The following AP1AR variants were observed in gnomAD, a reference collection of about 807,000 sequenced individuals.
AP1AR encodes AP-1 complex-associated regulatory protein.
In AP1AR, 29 loss-of-function variants were observed where a neutral mutation model predicts 46.3. The observed-to-expected ratio is 0.63, with a 90% CI of 0.47 to 0.85. The LOEUF (loss-of-function observed/expected upper bound fraction) is 0.85. Ranked by LOEUF, AP1AR falls within the 40% of genes least tolerant of loss-of-function variation. The probability of loss-of-function intolerance (pLI) is 0.00; values close to 1 mark genes in which losing one functional copy is unlikely to be tolerated. For synonymous variants in AP1AR, 122 were observed against 122.9 expected (o/e 0.99, Z 0.05); for missense variants, 357 against 356.3 (o/e 1.00, Z -0.02).
chr4:112,251,680 A>G (rs928534974), intron 1 of AP1AR, among the ~76,000 whole-genome samples: 2 of 152,220 alleles, frequency 1.3e-5, no homozygotes, highest in Non-Finnish European at 2.9e-5. Context: ...CAGTGCTACT[A>G]CTGAAGGTTC....
At position 112,266,616 on chromosome 4, in the gene AP1AR, A is replaced by T. The variant is rs768837483; in HGVS notation, c.543A>T (p.Thr181=). The change falls in exon 9 of 10, where the codon ACA becomes ACT. Residue 181 remains threonine (T), a synonymous_variant. Transcript: ENST00000274000. ...TCTCATCAGATGCTACAGTTTTGAC[A>T]CCAAATACAGAAAGCAGTTGTGATT... ...SRLSSDATVL[T]PNTESSCDLM... 4.3e-6 allele frequency: 7 copies of T among 1,610,670 alleles called. No individual in the cohort carries two copies. The African/African-American group carries it at 9.4e-5, about 22-fold the overall frequency.
At chr4:112,234,328 T>C (rs918152304) in intron 1 of AP1AR, among the ~76,000 whole-genome samples, 2 of 152,182 alleles carry the variant, frequency 1.3e-5, no homozygotes, top group African/African-American at 4.8e-5. Context: ...AAGTTTCAGA[T>C]TTTGGAACAT....
intron 1 of AP1AR, among the ~76,000 whole-genome samples, chr4:112,247,296 A>G (rs1043659483): frequency 6.6e-6 from 1 of 152,216 alleles, no homozygotes; most frequent in Non-Finnish European, 1.5e-5. Flanking sequence ...GTGTGAAGAA[A>G]AGAAGAAAAG....
chr4:112,248,894 A>G (rs745575885), intron 1 of AP1AR, among the ~76,000 whole-genome samples: 8 of 152,112 alleles, frequency 5.3e-5, no homozygotes, highest in Non-Finnish European at 1.2e-4. Flanking sequence ...CTCTGTTTAG[A>G]ATTCTTTTCC....
At chr4:112,247,249 AT>A (rs1441492076) in intron 1 of AP1AR, among the ~76,000 whole-genome samples, 1 of 152,230 alleles carries the variant, frequency 6.6e-6, no homozygotes, top group African/African-American at 2.4e-5. Flanking sequence ...AGACAACCTT[AT>A]TGGGATAGCA....
In AP1AR at chr4:112,263,117, G is replaced by A. The variant is rs753408969; in HGVS notation, c.381+31G>A. ...GGGAAAAGACCCCAGCATATATTAG[G>A]GTTGCTTTTCTCCTTATTTTCTCTG... is the stretch of plus-strand genomic sequence containing the variant. On this transcript the variant is annotated intron_variant, in intron 6 of 9. Transcript: ENST00000274000. 3 of 1,551,282 alleles carry A rather than the reference G, an allele frequency of 1.9e-6. No individual in the cohort carries two copies. In the African/African-American group the frequency reaches 4.1e-5, roughly 21 times the overall value.
intron 1 of AP1AR, among the ~76,000 whole-genome samples, chr4:112,247,320 C>G (rs1725765866): frequency 1.3e-5 from 2 of 152,176 alleles, no homozygotes; most frequent in Admixed American, 1.3e-4. Flanking sequence ...AGTACTTTTA[C>G]TGATCTGAGA....
chr4:112,247,657 A>G (rs1346346207), intron 1 of AP1AR, among the ~76,000 whole-genome samples: 4 of 152,158 alleles, frequency 2.6e-5, no homozygotes, highest in African/African-American at 2.4e-5. Flanking sequence ...TACTCCCACT[A>G]TTGTTACTGT....
chr4:112,263,206 G>C (rs919267515), intron 6 of AP1AR, 120 bp downstream of exon 6: 2 of 705,118 alleles, frequency 2.8e-6, no homozygotes, highest in Non-Finnish European at 4.7e-6. Context: ...CAACGAATGT[G>C]TTTACCCATA....
intron 1 of AP1AR, among the ~76,000 whole-genome samples, chr4:112,234,658 G>GTTT (rs774999279): frequency 8.5e-5 from 12 of 141,750 alleles, no homozygotes; most frequent in Non-Finnish European, 1.1e-4. Context: ...TCTTATTTTA[G>GTTT]TTTTTTTTTT....
intron 1 of AP1AR, among the ~76,000 whole-genome samples, chr4:112,244,908 T>TG (rs1044466767): frequency 6.6e-6 from 1 of 152,194 alleles, no homozygotes; most frequent in Non-Finnish European, 1.5e-5. Flanking sequence ...CGGAGAATAC[T>TG]GTTTTTTAGC....
chr4:112,263,024 G>A lies in AP1AR; in HGVS notation c.319G>A (p.Glu107Lys). The A allele has an allele frequency of 1.2e-6, 2 of 1,613,828 alleles. No individual in the cohort carries two copies. ...AGAAGAGAAGTTAAGACTAGAAGAA[G>A]AAGCTTTATACGCTGCACAGCGTGA... is the stretch of plus-strand genomic sequence containing the variant. ...LQEEKLRLEEEALYAAQREAA... is the reference protein window; with the variant it reads ...LQEEKLRLEEKALYAAQREAA... The change falls in exon 6 of 10, where the codon GAA becomes AAA. Residue 107 changes from glutamate (E) to lysine (K), a missense_variant. By Grantham distance (56) the Glu-to-Lys change is moderately conservative (BLOSUM62 1). This residue lies in a region of AP1AR where 269 missense variants were observed against 223.6 expected (regional missense o/e 1.20). Coordinates refer to ENST00000274000, the MANE Select transcript of AP1AR (RefSeq NM_018569.6).
Position 112,257,828 on chromosome 4 carries a change from C to T in AP1AR, c.185+31C>T, listed in dbSNP as rs759416887. On this transcript the variant is annotated intron_variant, in intron 4 of 9. Transcript: ENST00000274000. ...GCTTTGTTAAAAAAAAAAAACAAAA[C>T]TTCTATGCAAACTGTAAGAAAACTC... The T allele has an allele frequency of 3.3e-6, 5 of 1,498,762 alleles. No homozygotes were observed. The Admixed American group carries it at 8.7e-5, about 26-fold the overall frequency. 92.8% of individuals were successfully genotyped at this position (1,498,762 alleles called of 1,614,324 possible).
chr4:112,259,542 T>C (rs1726350303), intron 4 of AP1AR, among the ~76,000 whole-genome samples: 2 of 152,200 alleles, frequency 1.3e-5, no homozygotes, highest in Non-Finnish European at 2.9e-5. Context: ...CTATTGATAT[T>C]ATACATTTAA....
chr4:112,232,488 G>A (rs1725057929), intron 1 of AP1AR, among the ~76,000 whole-genome samples: 1 of 152,210 alleles, frequency 6.6e-6, no homozygotes, highest in Non-Finnish European at 1.5e-5. Flanking sequence ...TGGGCTGTAG[G>A]ACCGGCTCCA....
At position 112,271,857 on chromosome 4, in the gene AP1AR, C is replaced by T. The variant is rs1373871686; in HGVS notation, c.*3448C>T. Among the ~76,000 whole-genome samples, 5 of 152,170 alleles carry T rather than the reference C, an allele frequency of 3.3e-5. No homozygotes were observed. The highest frequency in any genetic ancestry group is 4.8e-5 in the African/African-American group (2 of 41,420). On this transcript the variant is annotated 3_prime_UTR_variant, in exon 10 of 10. Coordinates refer to ENST00000274000, the MANE Select transcript of AP1AR (RefSeq NM_018569.6). ...ATGGTATTTTAAGTCATTAAACCAG[C>T]TGAGTTCACCCCAGGGGAGCACATA... is the stretch of plus-strand genomic sequence containing the variant.
chr4:112,248,853 T>C (rs1725832756), intron 1 of AP1AR, among the ~76,000 whole-genome samples: 2 of 152,072 alleles, frequency 1.3e-5, no homozygotes, highest in Admixed American at 6.5e-5. Context: ...CCAAGTAGAG[T>C]TTTGCCTCAG....
intron 6 of AP1AR, 110 bp from the exon 7 acceptor site, chr4:112,264,899 C>CTT (rs528800376): frequency 2.4e-5 from 17 of 721,064 alleles, no homozygotes; most frequent in South Asian, 5.1e-5. Context: ...AACAAAATAA[C>CTT]TTTTTTTTTT....
chr4:112,263,928 C>T (rs1034993352), intron 6 of AP1AR, among the ~76,000 whole-genome samples: 3 of 152,114 alleles, frequency 2.0e-5, no homozygotes, highest in Non-Finnish European at 4.4e-5. Context: ...CCATATTTTG[C>T]CTGTTTGGAT....
Sources: allele counts gnomAD v4.1 joint callset (sites outside exome capture counted in the v4.1 genomes callset), GRCh38; gene constraint gnomAD v4.1.1; regional missense constraint gnomAD v4.1.1; transcripts MANE v1.5; gene names NCBI Gene and HGNC (gene_info 2026-07-23, HGNC 2026-07-21).